ADGB: variants seen among roughly 807,000 people sequenced by gnomAD.
ADGB encodes androglobin.
A neutral mutation model predicts 210.5 loss-of-function variants in ADGB; 172 were observed. The observed-to-expected ratio is 0.82, with a 90% CI of 0.72 to 0.93. The LOEUF (loss-of-function observed/expected upper bound fraction) is 0.93. Among genes scored for constraint, ADGB ranks in the 40% least tolerant of loss-of-function variants. The pLI is 0.00. For synonymous variants in ADGB, 658 were observed against 662.7 expected (o/e 0.99, Z 0.11); for missense variants, 2,025 against 1,964.8 (o/e 1.03, Z -0.58).
intron 10 of ADGB, among the ~76,000 whole-genome samples, chr6:146,687,005 CT>C (rs1776242196): frequency 6.6e-6 from 1 of 152,026 alleles, no homozygotes; most frequent in Admixed American, 6.6e-5. Flanking sequence ...ACATTTTTCC[CT>C]TTCTCTTTCT....
intron 13 of ADGB, among the ~76,000 whole-genome samples, chr6:146,701,746 C>G (rs1324169564): frequency 6.6e-6 from 1 of 151,930 alleles, no homozygotes; most frequent in Non-Finnish European, 1.5e-5. Flanking sequence ...ATAATTAGCA[C>G]TGTGAGAGAA....
intron 33 of ADGB, among the ~76,000 whole-genome samples, chr6:146,791,921 C>CTTTT (rs66891404): frequency 6.2e-5 from 7 of 112,486 alleles, no homozygotes; most frequent in Admixed American, 9.9e-5. Context: ...CTGCACCTTG[C>CTTTT]TTTTTTTTTT....
rs1490197519 is a variant in ADGB, at chr6:146,801,967, T to C, written c.4774T>C (p.Leu1592=). 2 of 1,550,126 alleles carry C rather than the reference T, an allele frequency of 1.3e-6. No individual in the cohort carries two copies. Among genetic ancestry groups the C allele is most frequent in the Non-Finnish European group, 1.7e-6 (2 of 1,146,412 alleles). Reference sequence around the variant, plus strand: ...TCGAAACATTGACCAAGAAGAGCGGTTGAAGTTAAAGGATGAAGTCCTGGA... The same window carrying C: ...TCGAAACATTGACCAAGAAGAGCGGCTGAAGTTAAAGGATGAAGTCCTGGA... The part of the protein sequence containing the change: ...SIRNIDQEER[L]KLKDEVLDMY... The change falls in exon 35 of 36, where the codon TTG becomes CTG. Residue 1592 remains leucine, a synonymous_variant. Transcript: ENST00000397944.
intron 25 of ADGB, among the ~76,000 whole-genome samples, chr6:146,745,440 TG>T (rs1250617119): frequency 6.6e-6 from 1 of 152,204 alleles, no homozygotes; most frequent in Non-Finnish European, 1.5e-5. Flanking sequence ...CTGGGTTCTG[TG>T]GAATCAAATC....
At chr6:146,807,263 A>T in intron 35 of ADGB, 1 of 801,588 alleles carries the variant, frequency 1.2e-6, no homozygotes, top group Non-Finnish European at 2.0e-6. Flanking sequence ...TTGAGACCAT[A>T]CACTAATTTT....
At chr6:146,705,877 G>A (rs1405872404) in intron 13 of ADGB, among the ~76,000 whole-genome samples, 1 of 152,012 alleles carries the variant, frequency 6.6e-6, no homozygotes, top group Non-Finnish European at 1.5e-5. Context: ...TAAATATTTG[G>A]TAGAATTCAG....
intron 13 of ADGB, among the ~76,000 whole-genome samples, chr6:146,701,840 T>G (rs1176480861): frequency 6.6e-6 from 1 of 151,976 alleles, no homozygotes; most frequent in African/African-American, 2.4e-5. Context: ...CAGGAGTATC[T>G]GTAGATGGGG....
At chr6:146,701,833 G>A (rs1459034533) in intron 13 of ADGB, among the ~76,000 whole-genome samples, 1 of 151,876 alleles carries the variant, frequency 6.6e-6, no homozygotes, top group African/African-American at 2.4e-5. Context: ...TAGGTCACAG[G>A]AGTATCTGTA....
chr6:146,762,562 A>T (rs1172443163), intron 27 of ADGB, among the ~76,000 whole-genome samples: 1 of 152,126 alleles, frequency 6.6e-6, no homozygotes, highest in African/African-American at 2.4e-5. Flanking sequence ...CTGCTTCTTC[A>T]TCTATCAAAT....
intron 27 of ADGB, among the ~76,000 whole-genome samples, chr6:146,758,415 C>T (rs572979815): frequency 1.4e-4 from 22 of 152,122 alleles, no homozygotes; most frequent in African/African-American, 5.1e-4. Flanking sequence ...CCAATTTTCT[C>T]TGCAATTTTT....
intron 1 of ADGB, among the ~76,000 whole-genome samples, chr6:146,616,023 C>T (rs934248874): frequency 2.7e-5 from 4 of 150,068 alleles, no homozygotes; most frequent in Non-Finnish European, 4.4e-5. Flanking sequence ...AGTTTACATT[C>T]CCACCAGCAG....
intron 27 of ADGB, among the ~76,000 whole-genome samples, chr6:146,757,102 CT>C (rs1159246645): frequency 6.6e-6 from 1 of 151,970 alleles, no homozygotes; most frequent in Non-Finnish European, 1.5e-5. Context: ...AAAGAAAACT[CT>C]TTGTATTATA....
In ADGB at chr6:146,724,453, G is replaced by A. The variant is rs993973916; in HGVS notation, c.2237+126G>A. 2.1e-5 allele frequency: 19 copies of A among 922,458 alleles called. No homozygotes were observed. The Admixed American group carries it at 4.8e-4, about 23-fold the overall frequency. 57.1% of individuals were successfully genotyped at this position (922,458 alleles called of 1,614,324 possible). A position where few individuals can be genotyped will look rare whatever the true frequency, so the allele number is the denominator to read the frequency against. ...TCTCAAAGCAATTTCTCAAGGCATAGGTCCATGATTATTATTCTTGAGAAA... is the reference window on the plus strand; with the variant it reads ...TCTCAAAGCAATTTCTCAAGGCATAAGTCCATGATTATTATTCTTGAGAAA... On this transcript the variant is annotated intron_variant, in intron 18 of 35. Coordinates refer to ENST00000397944, the MANE Select transcript of ADGB (RefSeq NM_024694.4).
chr6:146,650,090 A>G (rs1775679320), intron 3 of ADGB, among the ~76,000 whole-genome samples: 1 of 152,172 alleles, frequency 6.6e-6, no homozygotes, highest in African/African-American at 2.4e-5. Context: ...TATTTTTTAG[A>G]AAATTGGGAC....
chr6:146,668,260 C>G (rs1775963328), intron 7 of ADGB, among the ~76,000 whole-genome samples: 1 of 152,036 alleles, frequency 6.6e-6, no homozygotes, highest in Non-Finnish European at 1.5e-5. Context: ...GTACAGTTAT[C>G]AACCTGGACC....
In ADGB at chr6:146,740,440, T is replaced by C. The variant is rs1417598806; in HGVS notation, c.2889-19T>C. ...AGTGGCTTTTGCCATTGATACATAA[T>C]TTATTTTTATATTTCTAGACTAATG... On this transcript the variant is annotated intron_variant, in intron 23 of 35. Transcript: ENST00000397944. 6.6e-7 allele frequency: 1 copy of C among 1,506,480 alleles called. No individual in the cohort carries two copies. The highest frequency in any genetic ancestry group is 2.5e-5 in the East Asian group (1 of 40,508). The allele number at this position is 1,506,480 out of a possible 1,614,324, so 93.3% of individuals were successfully genotyped here.
At chr6:146,702,220 A>G (rs950604488) in intron 13 of ADGB, among the ~76,000 whole-genome samples, 2 of 151,894 alleles carry the variant, frequency 1.3e-5, no homozygotes, top group Admixed American at 1.3e-4. Context: ...CTTACAATAA[A>G]ATGCCAAACC....
At chr6:146,684,765 A>G (rs931644028) in intron 9 of ADGB, among the ~76,000 whole-genome samples, 2 of 152,072 alleles carry the variant, frequency 1.3e-5, no homozygotes, top group Non-Finnish European at 2.9e-5. Flanking sequence ...TTGGGGAGAC[A>G]GCGTCTGTGG....
At chr6:146,678,402 T>G (rs1776112670) in intron 9 of ADGB, among the ~76,000 whole-genome samples, 1 of 152,042 alleles carries the variant, frequency 6.6e-6, no homozygotes, top group Non-Finnish European at 1.5e-5. Context: ...AATTCTTGTA[T>G]TTTTAGTAGA....
Sources: allele counts gnomAD v4.1 joint callset (sites outside exome capture counted in the v4.1 genomes callset), GRCh38; gene constraint gnomAD v4.1.1; transcripts MANE v1.5; gene names NCBI Gene and HGNC (gene_info 2026-07-23, HGNC 2026-07-21).